The following ARHGAP23 variants were observed in gnomAD, a reference collection of about 807,000 sequenced individuals.
The protein encoded by ARHGAP23 is rho GTPase-activating protein 23.
A neutral mutation model predicts 136.3 loss-of-function variants in ARHGAP23; 34 were observed. That is an observed-to-expected ratio of 0.25 (90% CI 0.19 to 0.33). The LOEUF (loss-of-function observed/expected upper bound fraction) is 0.33, where lower values mean the gene tolerates loss of function less well. Ranked by LOEUF, ARHGAP23 falls within the 10% of genes least tolerant of loss-of-function variation. The probability of loss-of-function intolerance (pLI) is 1.00; values close to 1 mark genes in which losing one functional copy is unlikely to be tolerated. For synonymous variants in ARHGAP23, 832 were observed against 920.5 expected (o/e 0.90, Z 1.74); for missense variants, 1,808 against 2,139.0 (o/e 0.85, Z 3.05).
chr17:38,505,900 G>T (rs1022145719), intron 23 of ARHGAP23, among the ~76,000 whole-genome samples: 1 of 152,184 alleles, frequency 6.6e-6, no homozygotes, highest in Non-Finnish European at 1.5e-5. Context: ...TGCATTCCCA[G>T]CCTTGGCAAT....
upstream of ARHGAP23, among the ~76,000 whole-genome samples, chr17:38,427,069 G>A (rs1416690074): frequency 6.6e-6 from 1 of 152,200 alleles, no homozygotes; most frequent in Non-Finnish European, 1.5e-5. Flanking sequence ...CCCTTAAACT[G>A]AAAAAGTCAT....
At chr17:38,423,186 T>C (rs2038536071) in intron 1 of ARHGAP23, among the ~76,000 whole-genome samples, 1 of 151,704 alleles carries the variant, frequency 6.6e-6, no homozygotes, top group African/African-American at 2.4e-5. Context: ...ATGTACTAGG[T>C]GCTCAATAAT....
intron 3 of ARHGAP23, among the ~76,000 whole-genome samples, chr17:38,462,247 CTTTTTTTTTTT>C (rs59822011): frequency 1.3e-4 from 6 of 46,850 alleles, no homozygotes; most frequent in Admixed American, 3.7e-4. Flanking sequence ...CGCACCCGGC[CTTTTTTTTTTT>C]TTTTTTTTTT....
chr17:38,425,075 C>T (rs1057164149), upstream of ARHGAP23, among the ~76,000 whole-genome samples: 2 of 152,198 alleles, frequency 1.3e-5, no homozygotes. Flanking sequence ...TTCCTGTTCC[C>T]GTTATGTGCC....
chr17:38,434,475 A>G (rs770482708), intron 1 of ARHGAP23, among the ~76,000 whole-genome samples: 1 of 152,130 alleles, frequency 6.6e-6, no homozygotes, highest in African/African-American at 2.4e-5. Context: ...GGGAGGAGAG[A>G]CAGCATGGGG....
intron 8 of ARHGAP23, 89 bp from the exon 9 acceptor site, chr17:38,469,435 C>A (rs1407016591): frequency 2.7e-6 from 4 of 1,466,594 alleles, no homozygotes; most frequent in Non-Finnish European, 3.7e-6. Context: ...GGAGAGTCAC[C>A]TCCTGCCCCT....
chr17:38,496,243 C>T (rs1365038219), intron 20 of ARHGAP23, among the ~76,000 whole-genome samples: 1 of 152,150 alleles, frequency 6.6e-6, no homozygotes, highest in East Asian at 1.9e-4. Context: ...TGTCTTCCTT[C>T]CACCACATCT....
chr17:38,455,555 G>A (rs1329710657), intron 1 of ARHGAP23, among the ~76,000 whole-genome samples: 1 of 152,162 alleles, frequency 6.6e-6, no homozygotes, highest in Non-Finnish European at 1.5e-5. Flanking sequence ...GGGGAGGGGC[G>A]GGGGGCGTGC....
chr17:38,429,221 G>A (rs2038633526), intron 1 of ARHGAP23, among the ~76,000 whole-genome samples: 1 of 152,234 alleles, frequency 6.6e-6, no homozygotes, highest in African/African-American at 2.4e-5. Context: ...GGGTGCCAGG[G>A]GCATTACTCA....
chr17:38,495,927 C>T (rs1335434351), intron 20 of ARHGAP23, among the ~76,000 whole-genome samples: 2 of 151,860 alleles, frequency 1.3e-5, no homozygotes, highest in African/African-American at 2.4e-5. Context: ...GATGGAGTTT[C>T]ACTCTTGTTG....
rs1185212044 is a variant in ARHGAP23 at position 38,469,532 on chromosome 17, A to G, written c.1813A>G (p.Lys605Glu). The change falls in exon 9 of 24, where the codon AAG (lysine) becomes GAG (glutamate). Residue 605 changes from lysine to glutamate, a missense_variant. Lys to Glu is a moderately conservative substitution (Grantham distance 56). Around this residue, in one of 7 missense-constraint regions of ARHGAP23, gnomAD observed 859 missense variants for 936.4 expected, o/e 0.92. Coordinates refer to ENST00000622683, the MANE Select transcript of ARHGAP23 (RefSeq NM_001199417.2). ...TGTGGGCGGCTTTGCAGGCAGCATC[A>G]AGGCTGGCCGCCGCTCCTCCTACCT... ...RHYSQDCSSI[K>E]AGRRSSYLLA... 1.9e-6 allele frequency: 3 copies of G among 1,548,160 alleles called. No homozygotes were observed. The highest frequency in any genetic ancestry group is 2.4e-5 in the East Asian group (1 of 40,914).
chr17:38,481,263 C>T (rs1465708725), intron 14 of ARHGAP23, among the ~76,000 whole-genome samples: 2 of 152,072 alleles, frequency 1.3e-5, no homozygotes, highest in African/African-American at 2.4e-5. Flanking sequence ...TCTCCTGCCT[C>T]AGCCTCCCGA....
intron 1 of ARHGAP23, among the ~76,000 whole-genome samples, chr17:38,446,016 CTTTCTT>C (rs1347588700): frequency 4.6e-5 from 4 of 87,736 alleles, no homozygotes; most frequent in Non-Finnish European, 6.1e-5. Context: ...TGTCAAATAT[CTTTCTT>C]TTTTTTTTTT....
At position 38,466,912 on chromosome 17, in the gene ARHGAP23, G is replaced by T. The variant is rs1276543756; in HGVS notation, c.1229G>T (p.Gly410Val). ...GCCCCACCCCCGTCTGGCCTGCAGG[G>T]CCTGGATGACCTCGGGTACATCGGC... ...PQAPPPSGLQ[G>V]LDDLGYIGYR... Residue 410 changes from glycine to valine, a missense_variant, in exon 7 of 24, where the codon GGC becomes GTC. Gly to Val is a moderately radical substitution (Grantham distance 109). Transcript: ENST00000622683. 6.4e-7 allele frequency: 1 copy of T among 1,550,446 alleles called. No homozygotes were observed. Among genetic ancestry groups the T allele is most frequent in the South Asian group, 1.2e-5 (1 of 84,068 alleles).
In ARHGAP23 at chr17:38,511,744, T is replaced by TG. The variant is rs548893458; in HGVS notation, c.*780dup. 2,315 of 149,064 alleles carry TG rather than the reference T, an allele frequency of 0.016. 24 individuals are homozygous for TG. The highest frequency in any genetic ancestry group is 0.024 in the Non-Finnish European group (1,627 of 67,940). The allele number at this position is 149,064 out of a possible 1,614,324, so 9.2% of individuals were successfully genotyped here. A position where few individuals can be genotyped will look rare whatever the true frequency, so the allele number is the denominator to read the frequency against. On this transcript the variant is annotated 3_prime_UTR_variant, in exon 24 of 24. Transcript: ENST00000622683. ...TGCCTGTTCCCCAGACAGTTTTTGG[T>TG]GGGGGGGGTCCAGGGTCCCCCTTGC...
chr17:38,497,307 G>A lies in ARHGAP23; in HGVS notation c.3277-478G>A, dbSNP rs182642630. On this transcript the variant is annotated intron_variant, in intron 20 of 23. Coordinates refer to ENST00000622683, the MANE Select transcript of ARHGAP23 (RefSeq NM_001199417.2). ...TCATTTCCTTTTCTGGGCTGAGTAC[G>A]TGACACCCCTGTTGTCAGTGTGGCA... 4.7e-3 allele frequency among the ~76,000 whole-genome samples: 718 copies of A among 152,264 alleles called. 6 individuals are homozygous for A. Among genetic ancestry groups the A allele is most frequent in the Admixed American group, 0.016 (244 of 15,298 alleles).
intron 1 of ARHGAP23, among the ~76,000 whole-genome samples, chr17:38,420,817 G>A (rs1316890736): frequency 1.4e-5 from 2 of 143,338 alleles, no homozygotes; most frequent in African/African-American, 5.0e-5. Flanking sequence ...ATTACTGACT[G>A]AACACAAAAA....
chr17:38,470,957 C>T lies in ARHGAP23; in HGVS notation c.1975-906C>T, dbSNP rs796290094. 5.5e-3 allele frequency among the ~76,000 whole-genome samples: 787 copies of T among 143,026 alleles called. 2 individuals carry two copies. The highest frequency in any genetic ancestry group is 0.01 in the South Asian group (47 of 4,498). 93.8% of individuals were successfully genotyped at this position (143,026 alleles called of 152,430 possible). On this transcript the variant is annotated intron_variant, in intron 10 of 23. Coordinates refer to ENST00000622683, the MANE Select transcript of ARHGAP23 (RefSeq NM_001199417.2). ...TATTTTTCATGCATGATTTTTCTTT[C>T]TTTTTTTTTTTTTGAGATGGAGTCT...
intron 1 of ARHGAP23, among the ~76,000 whole-genome samples, chr17:38,431,345 C>A (rs1393323451): frequency 6.6e-6 from 1 of 152,206 alleles, no homozygotes; most frequent in African/African-American, 2.4e-5. Context: ...GGGCATGAAG[C>A]CCTGCTCTGT....
Sources: allele counts gnomAD v4.1 joint callset (sites outside exome capture counted in the v4.1 genomes callset), GRCh38; gene constraint gnomAD v4.1.1; regional missense constraint gnomAD v4.1.1; transcripts MANE v1.5; gene names NCBI Gene and HGNC (gene_info 2026-07-23, HGNC 2026-07-21).